Variants in STS observed in about 807,000 individuals in gnomAD.
The protein encoded by STS is steryl-sulfatase.
In STS, 7 loss-of-function variants were observed where a neutral mutation model predicts 26.8. The ratio of observed to expected loss-of-function variants is 0.26; its 90% CI spans 0.15 to 0.49. STS has a LOEUF of 0.49. Ranked by LOEUF, STS falls within the 20% of genes least tolerant of loss-of-function variation. The probability of loss-of-function intolerance (pLI) is 0.98; values close to 1 mark genes in which losing one functional copy is unlikely to be tolerated. For missense variants in STS, 434 were observed against 465.6 expected (o/e 0.93, Z 0.63); for synonymous variants, 199 against 189.4 (o/e 1.05, Z -0.42).
At chrX:7,287,710 G>A (rs5934911) in intron 7 of STS, among the ~76,000 whole-genome samples, 42,823 of 106,476 alleles carry the variant, frequency 0.4, 6,567 homozygotes, top group African/African-American at 0.45. Context: ...TTGTATTTCA[G>A]GTAGTGCTAT....
chrX:7,322,758 C>T (rs145980869), intron 8 of STS, among the ~76,000 whole-genome samples: 4,250 of 111,614 alleles, frequency 0.038, 189 homozygotes, highest in African/African-American at 0.13. Context: ...AGGGCTGCTT[C>T]TGTTTGCAGA....
intron 1 of STS, among the ~76,000 whole-genome samples, chrX:7,174,894 C>G (rs1305848167): frequency 3.6e-5 from 4 of 111,289 alleles, no homozygotes. Flanking sequence ...ACAAAGCCAC[C>G]TTCCTTCTCA....
chrX:7,240,447 T>C (rs1922536770), intron 2 of STS, among the ~76,000 whole-genome samples: 1 of 97,616 alleles, frequency 1.0e-5, no homozygotes. Flanking sequence ...AAATGAATCT[T>C]CTCCAAGGAG....
intron 6 of STS, among the ~76,000 whole-genome samples, chrX:7,262,649 A>G (rs1923805489): frequency 8.9e-6 from 1 of 112,161 alleles, no homozygotes; most frequent in African/African-American, 3.2e-5. Context: ...AGAGGACTGC[A>G]TTTGGAAATT....
chrX:7,321,462 T>G (rs772768780), intron 8 of STS, among the ~76,000 whole-genome samples: 11 of 111,647 alleles, frequency 9.9e-5, no homozygotes, highest in Non-Finnish European at 1.7e-4. Flanking sequence ...AATACATACA[T>G]AGATAAATAA....
At chrX:7,219,292 G>T (rs1475704175) in intron 2 of STS, 2 of 448,573 alleles carry the variant, frequency 4.5e-6, no homozygotes, top group Non-Finnish European at 5.5e-6. Context: ...AGCATAAACC[G>T]CTTGGGTATC....
chrX:7,279,737 C>T (rs1178543694), intron 7 of STS, among the ~76,000 whole-genome samples: 1 of 110,100 alleles, frequency 9.1e-6, no homozygotes, highest in Non-Finnish European at 1.9e-5. Context: ...ACTTCACCTT[C>T]TATGGGAGAA....
chrX:7,253,353 C>T lies in STS; in HGVS notation c.137+17C>T. 2 of 1,211,049 alleles carry T rather than the reference C, an allele frequency of 1.7e-6. No individual in the cohort carries two copies. The highest frequency in any genetic ancestry group is 2.2e-6 in the Non-Finnish European group (2 of 895,038). Reference sequence around the variant, plus strand: ...AACTATCAGGTTGGTAATGCAGCTCCTCAGTAAACACATGGCTGTATTCAT... The same window carrying T: ...AACTATCAGGTTGGTAATGCAGCTCTTCAGTAAACACATGGCTGTATTCAT... On this transcript the variant is annotated intron_variant, in intron 3 of 10. Coordinates refer to ENST00000674429, the MANE Select transcript of STS (RefSeq NM_001320752.2).
chrX:7,150,303 C>T (rs1932986134), intron 1 of STS, among the ~76,000 whole-genome samples: 1 of 111,924 alleles, frequency 8.9e-6, no homozygotes. Flanking sequence ...CTCACTGCAG[C>T]CTCAGCCTCC....
At chrX:7,290,888 G>A (rs1925383141) in intron 7 of STS, among the ~76,000 whole-genome samples, 1 of 111,710 alleles carries the variant, frequency 9.0e-6, no homozygotes, top group African/African-American at 3.3e-5. Flanking sequence ...TTGTTAGGAA[G>A]CCTTCACACA....
At chrX:7,159,998 C>A (rs1191517580) in intron 1 of STS, among the ~76,000 whole-genome samples, 5 of 111,979 alleles carry the variant, frequency 4.5e-5, no homozygotes, top group African/African-American at 1.6e-4. Context: ...AGGAGACGTA[C>A]AAAGTGTCTT....
intron 1 of STS, among the ~76,000 whole-genome samples, chrX:7,159,394 A>G (rs1229776793): frequency 2.7e-5 from 3 of 112,018 alleles, no homozygotes; most frequent in Non-Finnish European, 5.6e-5. Flanking sequence ...CACGTAACAA[A>G]CAGGCTGGCA....
Position 7,205,932 on chromosome X carries a change from T to C in STS, c.-5+14924T>C, listed in dbSNP as rs766808222. Among the ~76,000 whole-genome samples the C allele has an allele frequency of 9.6e-4, 106 of 110,260 alleles. 2 individuals are homozygous for C. Among genetic ancestry groups the C allele is most frequent in the Middle Eastern group, 4.7e-3 (1 of 215 alleles). On this transcript the variant is annotated intron_variant, in intron 2 of 10. Transcript: ENST00000674429. ...CTCTCGGTGGAAATCATTTTTCCTC[T>C]GGATTTCACAGTCATTGCATAATTG... is the stretch of plus-strand genomic sequence containing the variant.
intron 7 of STS, among the ~76,000 whole-genome samples, chrX:7,302,093 T>C (rs1046374873): frequency 8.9e-6 from 1 of 111,808 alleles, no homozygotes; most frequent in Non-Finnish European, 1.9e-5. Flanking sequence ...CTTTGCAGCA[T>C]TTTCTTTGTG....
chrX:7,161,822 T>C (rs1569178418), intron 1 of STS, among the ~76,000 whole-genome samples: 1 of 112,009 alleles, frequency 8.9e-6, no homozygotes, highest in South Asian at 3.7e-4. Context: ...AGGTACTCTT[T>C]GTCTCAAGGA....
At chrX:7,308,077 G>C (rs967072265) in intron 8 of STS, among the ~76,000 whole-genome samples, 2 of 112,115 alleles carry the variant, frequency 1.8e-5, no homozygotes, top group Admixed American at 1.9e-4. Context: ...CTGCCTGGGG[G>C]AGTCCAGCAG....
intron 2 of STS, among the ~76,000 whole-genome samples, chrX:7,233,658 A>T (rs753770613): frequency 8.9e-6 from 1 of 111,887 alleles, no homozygotes; most frequent in East Asian, 2.8e-4. Flanking sequence ...TCCCTGAAAA[A>T]AGAGCAGCAA....
intron 2 of STS, among the ~76,000 whole-genome samples, chrX:7,226,991 G>T (rs1032260888): frequency 8.9e-6 from 1 of 111,924 alleles, no homozygotes; most frequent in African/African-American, 3.2e-5. Flanking sequence ...TTTAGCCACC[G>T]TAGGGGTTGT....
intron 1 of STS, among the ~76,000 whole-genome samples, chrX:7,148,369 C>G (rs1932932748): frequency 8.9e-6 from 1 of 112,701 alleles, no homozygotes; most frequent in Non-Finnish European, 1.9e-5. Flanking sequence ...TATGTTTACC[C>G]GCATCAATTC....
Sources: allele counts gnomAD v4.1 joint callset (sites outside exome capture counted in the v4.1 genomes callset), GRCh38; gene constraint gnomAD v4.1.1; transcripts MANE v1.5; gene names NCBI Gene and HGNC (gene_info 2026-07-23, HGNC 2026-07-21).